Variants in MACROD2 observed in about 807,000 individuals in gnomAD.
MACROD2 encodes ADP-ribose glycohydrolase MACROD2.
Under a neutral mutation model 70.4 loss-of-function variants are expected in MACROD2, and 36 were observed. That is an observed-to-expected ratio of 0.51 (90% confidence interval 0.39 to 0.68). MACROD2 has a LOEUF of 0.68. MACROD2 is among the 30% of genes least tolerant of loss of function. MACROD2 has a pLI of 0.00. For missense variants in MACROD2, 496 were observed against 538.4 expected, an observed-to-expected ratio of 0.92 and a Z score of 0.78; for synonymous variants, 172 against 178.8, an observed-to-expected ratio of 0.96 and a Z score of 0.30.
chr20:14,391,209 C>T (rs762218035), intron 3 of MACROD2, among the ~76,000 whole-genome samples: 6 of 152,120 alleles, frequency 3.9e-5, no homozygotes, highest in Non-Finnish European at 8.8e-5. Flanking sequence ...ATAACAAAGA[C>T]ATGGAATCAA....
chr20:14,525,548 C>T (rs751946589), intron 4 of MACROD2, among the ~76,000 whole-genome samples: 1 of 152,172 alleles, frequency 6.6e-6, no homozygotes, highest in Non-Finnish European at 1.5e-5. Context: ...AATGATAAAG[C>T]TAAGATTCAT....
intron 6 of MACROD2, among the ~76,000 whole-genome samples, chr20:15,431,090 G>C (rs2046358519): frequency 6.6e-6 from 1 of 151,922 alleles, no homozygotes; most frequent in Non-Finnish European, 1.5e-5. Context: ...CTGACTATTG[G>C]TTATCTGTGT....
At chr20:16,032,926 A>G (rs1028407205) in intron 15 of MACROD2, among the ~76,000 whole-genome samples, 2 of 151,984 alleles carry the variant, frequency 1.3e-5, no homozygotes, top group Non-Finnish European at 2.9e-5. Context: ...AGAGGTAAAA[A>G]CTGAAAATGC....
chr20:14,787,602 A>AT (rs1173591302), intron 5 of MACROD2, among the ~76,000 whole-genome samples: 1 of 152,136 alleles, frequency 6.6e-6, no homozygotes, highest in Non-Finnish European at 1.5e-5. Context: ...AGATTTAAGT[A>AT]GTAACTGAAG....
intron 5 of MACROD2, among the ~76,000 whole-genome samples, chr20:14,973,633 G>C (rs935311840): frequency 9.2e-5 from 14 of 152,082 alleles, no homozygotes; most frequent in Non-Finnish European, 1.3e-4. Flanking sequence ...ATCAGGGAAA[G>C]GTTTCAGAGA....
intron 8 of MACROD2, among the ~76,000 whole-genome samples, chr20:15,700,011 C>T (rs1033328730): frequency 3.3e-5 from 5 of 152,124 alleles, no homozygotes; most frequent in Non-Finnish European, 7.4e-5. Context: ...GAAATTTCTG[C>T]AAACAGACCT....
At chr20:15,196,775 A>G (rs1400889144) in intron 5 of MACROD2, 2 of 641,406 alleles carry the variant, frequency 3.1e-6, no homozygotes, top group Non-Finnish European at 3.9e-6. Context: ...ATCAGGAAGT[A>G]CCCACTTCAG....
intron 5 of MACROD2, among the ~76,000 whole-genome samples, chr20:14,948,422 G>C (rs1298127698): frequency 1.3e-5 from 2 of 152,136 alleles, no homozygotes; most frequent in East Asian, 3.9e-4. Flanking sequence ...ACAGTGGGTG[G>C]CATCTATCAC....
intron 3 of MACROD2, among the ~76,000 whole-genome samples, chr20:14,468,423 G>A (rs6042750): frequency 3.4e-5 from 5 of 148,526 alleles, no homozygotes; most frequent in Non-Finnish European, 7.4e-5. Flanking sequence ...TCAGAGACTA[G>A]GATTGCAACC....
chr20:15,819,357 GTA>G (rs2063912672), intron 8 of MACROD2, among the ~76,000 whole-genome samples: 1 of 131,194 alleles, frequency 7.6e-6, no homozygotes, highest in Non-Finnish European at 1.6e-5. Context: ...TTATATAAAT[GTA>G]TATAAATAAA....
intron 4 of MACROD2, among the ~76,000 whole-genome samples, chr20:14,603,923 G>A (rs769367690): frequency 1.3e-5 from 2 of 151,912 alleles, no homozygotes; most frequent in African/African-American, 2.4e-5. Flanking sequence ...ATCACAGGCC[G>A]GCCTCCTGCT....
intron 8 of MACROD2, among the ~76,000 whole-genome samples, chr20:15,605,842 C>T (rs1335566289): frequency 6.6e-6 from 1 of 152,106 alleles, no homozygotes; most frequent in East Asian, 1.9e-4. Flanking sequence ...CTTCTTACAC[C>T]ATGTCAGACC....
rs137960267 is a variant in MACROD2, at chr20:14,827,670, T to G, written c.418+142711T>G. On this transcript the variant is annotated intron_variant, in intron 5 of 17. Coordinates refer to ENST00000684519, the MANE Select transcript of MACROD2 (RefSeq NM_001351661.2). ...AATTAGTAACTGTGTTTTATTTTTG[T>G]GTACCCATATTCTCCTTGCCAGAAA... is the stretch of plus-strand genomic sequence containing the variant. Among the ~76,000 whole-genome samples, 12 of 152,018 alleles carry G rather than the reference T, an allele frequency of 7.9e-5. 1 individual carries two copies. In the East Asian group the frequency reaches 2.3e-3, roughly 29 times the overall value.
chr20:15,968,877 T>G (rs2066186948), intron 13 of MACROD2, among the ~76,000 whole-genome samples: 1 of 147,614 alleles, frequency 6.8e-6, no homozygotes. Flanking sequence ...AGAGACTGTT[T>G]AAAGGCATCA....
chr20:15,671,415 G>A (rs1353788225), intron 8 of MACROD2, among the ~76,000 whole-genome samples: 3 of 152,150 alleles, frequency 2.0e-5, no homozygotes, highest in African/African-American at 7.2e-5. Context: ...GAATGTAAGG[G>A]GTGGGGGGAT....
intron 13 of MACROD2, among the ~76,000 whole-genome samples, chr20:15,975,568 C>A (rs2066294361): frequency 6.6e-6 from 1 of 152,034 alleles, no homozygotes; most frequent in African/African-American, 2.4e-5. Flanking sequence ...GAGGATGATG[C>A]TTACTAAAAT....
chr20:14,077,103 G>A (rs1433955181), intron 2 of MACROD2, among the ~76,000 whole-genome samples: 1 of 152,138 alleles, frequency 6.6e-6, no homozygotes, highest in South Asian at 2.1e-4. Context: ...TAATGTTATA[G>A]TATGTCTGCC....
intron 3 of MACROD2, among the ~76,000 whole-genome samples, chr20:14,311,116 T>C (rs537922984): frequency 2.6e-5 from 4 of 152,322 alleles, no homozygotes; most frequent in South Asian, 2.1e-4. Flanking sequence ...TCTACAGTTA[T>C]GTTTAGTAAT....
chr20:14,231,107 CAG>C (rs1205819218), intron 3 of MACROD2, among the ~76,000 whole-genome samples: 2 of 151,428 alleles, frequency 1.3e-5, no homozygotes, highest in African/African-American at 4.9e-5. Flanking sequence ...AGAGCACAGG[CAG>C]AGTGCATTTA....
Sources: allele counts gnomAD v4.1 joint callset (sites outside exome capture counted in the v4.1 genomes callset), GRCh38; gene constraint gnomAD v4.1.1; transcripts MANE v1.5; gene names NCBI Gene and HGNC (gene_info 2026-07-23, HGNC 2026-07-21).